The following CDH13 variants were observed in gnomAD, a reference collection of about 807,000 sequenced individuals.
CDH13 encodes the protein cadherin-13.
CDH13 carries 24 observed loss-of-function variants against 63.8 expected under a neutral mutation model. That is an observed-to-expected ratio of 0.38 (90% CI 0.27 to 0.53). The LOEUF (loss-of-function observed/expected upper bound fraction) is 0.53, where lower values mean the gene tolerates loss of function less well. Among genes scored for constraint, CDH13 ranks in the 20% least tolerant of loss-of-function variants. The pLI is 0.85. For missense variants in CDH13, 1,049 were observed against 903.1 expected (o/e 1.16, Z -2.07); for synonymous variants, 503 against 355.3 (o/e 1.42, Z -4.67).
intron 5 of CDH13, among the ~76,000 whole-genome samples, chr16:83,289,465 A>C (rs1274041094): frequency 6.6e-6 from 1 of 152,294 alleles, no homozygotes; most frequent in Non-Finnish European, 1.5e-5. Flanking sequence ...ATATTTTTTC[A>C]GCACTCTTAA....
At chr16:83,005,051 CA>C (rs1913340649) in intron 2 of CDH13, among the ~76,000 whole-genome samples, 1 of 152,114 alleles carries the variant, frequency 6.6e-6, no homozygotes, top group African/African-American at 2.4e-5. Context: ...CCCTGTTGAG[CA>C]GAGCTGAGTC....
At chr16:83,151,466 C>A (rs1361628497) in intron 4 of CDH13, among the ~76,000 whole-genome samples, 1 of 152,194 alleles carries the variant, frequency 6.6e-6, no homozygotes, top group African/African-American at 2.4e-5. Context: ...GGATAGCCAT[C>A]ATTGGCTAGA....
intron 3 of CDH13, among the ~76,000 whole-genome samples, chr16:83,033,571 G>A (rs1175374680): frequency 6.6e-6 from 1 of 152,168 alleles, no homozygotes; most frequent in African/African-American, 2.4e-5. Flanking sequence ...ATATGTGTGT[G>A]TAATTGCATA....
At chr16:83,458,962 G>T (rs1342563889) in intron 6 of CDH13, among the ~76,000 whole-genome samples, 2 of 152,224 alleles carry the variant, frequency 1.3e-5, no homozygotes, top group African/African-American at 2.4e-5. Context: ...TCTATTTACA[G>T]ATGATGAAAC....
chr16:83,080,332 G>T lies in CDH13; in HGVS notation c.367-45053G>T, dbSNP rs149016331. On this transcript the variant is annotated intron_variant, in intron 3 of 13. Transcript: ENST00000567109. Reference sequence around the variant, plus strand: ...CAGGAAAATTGAGACACCTGTGTATGAAAAGCATAAAGAGAAAATTTGGTT... The same window carrying T: ...CAGGAAAATTGAGACACCTGTGTATTAAAAGCATAAAGAGAAAATTTGGTT... 2.6e-4 allele frequency among the ~76,000 whole-genome samples: 39 copies of T among 152,270 alleles called. 1 individual carries two copies. The highest frequency in any genetic ancestry group is 8.7e-4 in the African/African-American group (36 of 41,554).
chr16:83,094,915 G>T (rs2034119067), intron 3 of CDH13, among the ~76,000 whole-genome samples: 1 of 152,132 alleles, frequency 6.6e-6, no homozygotes, highest in African/African-American at 2.4e-5. Flanking sequence ...GTAAGTTATT[G>T]AAAACCGGTT....
intron 2 of CDH13, among the ~76,000 whole-genome samples, chr16:83,010,103 C>T (rs1913968860): frequency 8.0e-6 from 1 of 124,668 alleles, no homozygotes; most frequent in Admixed American, 9.9e-5. Flanking sequence ...CCATTGCACT[C>T]CAGGCTGGGC....
intron 6 of CDH13, among the ~76,000 whole-genome samples, chr16:83,473,915 G>C (rs2073531309): frequency 6.6e-6 from 1 of 152,150 alleles, no homozygotes; most frequent in African/African-American, 2.4e-5. Context: ...TTTGTGGGAT[G>C]ATTAAATGCT....
intron 3 of CDH13, among the ~76,000 whole-genome samples, chr16:83,114,205 C>T (rs1021457311): frequency 1.3e-5 from 2 of 152,076 alleles, no homozygotes. Context: ...AGTTATTGGA[C>T]CTTCGATGCA....
At chr16:82,701,085 C>G (rs552298300) in intron 1 of CDH13, among the ~76,000 whole-genome samples, 2 of 151,544 alleles carry the variant, frequency 1.3e-5, no homozygotes, top group East Asian at 3.9e-4. Flanking sequence ...TTTTTTCTCT[C>G]ATTGCAGCTA....
At chr16:82,966,608 A>T (rs72790189) in intron 2 of CDH13, among the ~76,000 whole-genome samples, 25,530 of 152,174 alleles carry the variant, frequency 0.17, 2,263 homozygotes, top group Middle Eastern at 0.21. Flanking sequence ...ATACACAGGG[A>T]TTTTATTTTT....
At chr16:83,736,963 C>T (rs1281402635) in intron 10 of CDH13, among the ~76,000 whole-genome samples, 1 of 152,156 alleles carries the variant, frequency 6.6e-6, no homozygotes, top group Non-Finnish European at 1.5e-5. Context: ...AGCTGGTGCC[C>T]AGGAAATGTC....
Position 83,595,233 on chromosome 16 carries a change from C to G in CDH13, c.961-7221C>G, listed in dbSNP as rs1299421825. On this transcript the variant is annotated intron_variant, in intron 7 of 13. Transcript: ENST00000567109. ...CAGTTCCGCAAAGTATAAGTCATTC[C>G]CTGAGAATAAATGACTTTGCTTTGG... Among the ~76,000 whole-genome samples the G allele has an allele frequency of 1.1e-4, 16 of 152,302 alleles. No homozygotes were observed. The East Asian group carries it at 3.1e-3, about 29-fold the overall frequency.
chr16:83,010,297 T>C (rs1010233532), intron 2 of CDH13, among the ~76,000 whole-genome samples: 1 of 152,036 alleles, frequency 6.6e-6, no homozygotes, highest in Non-Finnish European at 1.5e-5. Flanking sequence ...AAGAACAAAT[T>C]GGAGGTCAGA....
chr16:83,164,314 A>G (rs966524157), intron 4 of CDH13, among the ~76,000 whole-genome samples: 1 of 151,976 alleles, frequency 6.6e-6, no homozygotes, highest in African/African-American at 2.4e-5. Flanking sequence ...CACACACTAC[A>G]TACCACACAT....
intron 5 of CDH13, among the ~76,000 whole-genome samples, chr16:83,292,003 G>T (rs539781722): frequency 1.3e-5 from 2 of 152,288 alleles, no homozygotes; most frequent in East Asian, 3.9e-4. Context: ...GTATAGGAGA[G>T]TTAATTTGTA....
chr16:83,252,228 C>T (rs1274436228), intron 5 of CDH13, among the ~76,000 whole-genome samples: 3 of 148,450 alleles, frequency 2.0e-5, no homozygotes, highest in African/African-American at 4.9e-5. Context: ...ATTTGACTGG[C>T]ATTTTTTAGA....
At chr16:82,922,439 G>A (rs929630593) in intron 2 of CDH13, among the ~76,000 whole-genome samples, 6 of 152,140 alleles carry the variant, frequency 3.9e-5, no homozygotes, top group African/African-American at 1.4e-4. Flanking sequence ...GTGTATAGAA[G>A]TTTCGAAGAA....
intron 10 of CDH13, among the ~76,000 whole-genome samples, chr16:83,691,467 C>T (rs1212283743): frequency 6.6e-6 from 1 of 152,092 alleles, no homozygotes; most frequent in Non-Finnish European, 1.5e-5. Context: ...GTGGCCCTGC[C>T]TGGTGCTGTT....
Sources: allele counts gnomAD v4.1 joint callset (sites outside exome capture counted in the v4.1 genomes callset), GRCh38; gene constraint gnomAD v4.1.1; transcripts MANE v1.5; gene names NCBI Gene and HGNC (gene_info 2026-07-23, HGNC 2026-07-21).